BLTP3B: variants seen among roughly 807,000 people sequenced by gnomAD.
BLTP3B encodes bridge-like lipid transfer protein family member 3B, also known as UHRF1 (ICBP90) binding protein 1-like.
the BLTP3B span, among the ~76,000 whole-genome samples, chr12:100,113,442 G>A: frequency 6.6e-6 from 1 of 152,096 alleles, no homozygotes; most frequent in African/African-American, 2.4e-5. Flanking sequence ...CAGCCTGGGA[G>A]ACAGAGTAAG....
chr12:100,107,485 A>G, the BLTP3B span, among the ~76,000 whole-genome samples: 3,892 of 151,334 alleles, frequency 0.026, 159 homozygotes, highest in African/African-American at 0.09. Flanking sequence ...ATACAAAAAA[A>G]TTAGCCAGAC....
chr12:100,047,961 G>C, the BLTP3B span: 1 of 1,504,556 alleles, frequency 6.6e-7, no homozygotes. Context: ...TTATTTTCGT[G>C]TTAGAAACTT....
the BLTP3B span, chr12:100,072,741 G>C: frequency 6.2e-7 from 1 of 1,607,016 alleles, no homozygotes; most frequent in South Asian, 1.1e-5. Context: ...ATTTCTTGTG[G>C]AAGATATAGG....
At chr12:100,094,654 C>T in the BLTP3B span, among the ~76,000 whole-genome samples, 2 of 152,180 alleles carry the variant, frequency 1.3e-5, no homozygotes, top group East Asian at 1.9e-4. Context: ...GCCAGGAGTT[C>T]GGGACCAGCA....
chr12:100,102,987 G>A, the BLTP3B span: 3 of 564,186 alleles, frequency 5.3e-6, no homozygotes, highest in Non-Finnish European at 8.5e-6. Flanking sequence ...AGTCATTTAA[G>A]TGCCTCTCTA....
the BLTP3B span, chr12:100,037,421 G>C: frequency 1.5e-6 from 2 of 1,290,472 alleles, no homozygotes; most frequent in Non-Finnish European, 2.0e-6. Context: ...CTTAAAAGAG[G>C]GTTAAGCCCC....
the BLTP3B span, chr12:100,039,706 G>T: frequency 6.2e-7 from 1 of 1,614,034 alleles, no homozygotes; most frequent in South Asian, 1.1e-5. Context: ...TGTTTCTTCA[G>T]ATCATACTTT....
the BLTP3B span, chr12:100,047,696 G>A: frequency 7.7e-7 from 1 of 1,293,960 alleles, no homozygotes; most frequent in Non-Finnish European, 1.1e-6. Context: ...TTTTTAATGA[G>A]TTAAAGATAA....
chr12:100,130,982 G>GGAGA, the BLTP3B span, among the ~76,000 whole-genome samples: 3,373 of 61,296 alleles, frequency 0.055, 230 homozygotes, highest in Non-Finnish European at 0.072. Context: ...AGAGAGGGAG[G>GGAGA]GAGAGAGAGA....
chr12:100,122,461 T>G, the BLTP3B span, among the ~76,000 whole-genome samples: 3 of 152,226 alleles, frequency 2.0e-5, no homozygotes, highest in Non-Finnish European at 2.9e-5. Flanking sequence ...ATTATCATAC[T>G]GATAAATTTT....
At chr12:100,050,249 T>G in the BLTP3B span, 2 of 1,611,686 alleles carry the variant, frequency 1.2e-6, no homozygotes, top group Non-Finnish European at 1.7e-6. Context: ...TGAAGACAGA[T>G]TTCTGTATCT....
At chr12:100,097,509 A>G in the BLTP3B span, 1 of 1,602,002 alleles carries the variant, frequency 6.2e-7, no homozygotes, top group Non-Finnish European at 8.5e-7. Context: ...TCAAAACCTA[A>G]GGAGAACACA....
At chr12:100,039,684 G>A in the BLTP3B span, 168 of 1,614,062 alleles carry the variant, frequency 1.0e-4, 1 homozygote, top group Admixed American at 2.2e-3. Flanking sequence ...AGTGGCTTGC[G>A]TGACACTGCG....
chr12:100,053,548 C>T, the BLTP3B span, among the ~76,000 whole-genome samples: 1 of 152,146 alleles, frequency 6.6e-6, no homozygotes, highest in Non-Finnish European at 1.5e-5. Flanking sequence ...TATGTACATA[C>T]ATTCACAAAT....
At chr12:100,106,034 T>C in the BLTP3B span, among the ~76,000 whole-genome samples, 4 of 152,148 alleles carry the variant, frequency 2.6e-5, no homozygotes, top group Non-Finnish European at 4.4e-5. Context: ...AGAATGGCCA[T>C]TACTAAAAAG....
At chr12:100,094,371 A>G in the BLTP3B span, among the ~76,000 whole-genome samples, 1 of 152,092 alleles carries the variant, frequency 6.6e-6, no homozygotes, top group South Asian at 2.1e-4. Context: ...TCAGCCTCCC[A>G]AAGTACTGGG....
chr12:100,079,854 C>A, the BLTP3B span, among the ~76,000 whole-genome samples: 1 of 152,174 alleles, frequency 6.6e-6, no homozygotes, highest in Admixed American at 6.5e-5. Flanking sequence ...GATTTGGTAC[C>A]CTGCATCCCA....
At chr12:100,119,821 T>C in the BLTP3B span, among the ~76,000 whole-genome samples, 1 of 152,144 alleles carries the variant, frequency 6.6e-6, no homozygotes, top group Non-Finnish European at 1.5e-5. Flanking sequence ...GACCTAAATC[T>C]AAGAACTACA....
the BLTP3B span, chr12:100,048,121 G>A: frequency 6.2e-7 from 1 of 1,611,526 alleles, no homozygotes; most frequent in Non-Finnish European, 8.5e-7. Context: ...GTGTATTACA[G>A]CACCAGGCCC....
Sources: allele counts gnomAD v4.1 joint callset (sites outside exome capture counted in the v4.1 genomes callset), GRCh38; gene constraint gnomAD v4.1.1; transcripts MANE v1.5; gene names NCBI Gene and HGNC (gene_info 2026-07-23, HGNC 2026-07-21).